ELMO1: variants seen among roughly 807,000 people sequenced by gnomAD.
ELMO1 encodes the protein engulfment and cell motility 1.
Under a neutral mutation model 98.9 loss-of-function variants are expected in ELMO1, and 26 were observed. The ratio of observed to expected loss-of-function variants is 0.26; its 90% CI spans 0.19 to 0.36. The LOEUF is 0.36. Ranked by LOEUF, ELMO1 falls within the 10% of genes least tolerant of loss-of-function variation. The probability of loss-of-function intolerance (pLI) is 1.00; values close to 1 mark genes in which losing one functional copy is unlikely to be tolerated. For synonymous variants in ELMO1, 346 were observed against 346.0 expected, an observed-to-expected ratio of 1.00 and a Z score of 0.00; for missense variants, 627 against 935.2, an observed-to-expected ratio of 0.67 and a Z score of 4.30.
chr7:37,408,112 T>C (rs1477527), intron 1 of ELMO1, among the ~76,000 whole-genome samples: 35,287 of 152,164 alleles, frequency 0.23, 4,320 homozygotes, highest in East Asian at 0.41. Flanking sequence ...ATATCCACAC[T>C]ATATTTGTAA....
intron 15 of ELMO1, among the ~76,000 whole-genome samples, chr7:37,047,301 C>T (rs978759323): frequency 1.3e-5 from 2 of 152,222 alleles, no homozygotes; most frequent in African/African-American, 4.8e-5. Context: ...TCCTTCCTGT[C>T]TCTGCCTTTC....
Position 36,912,673 on chromosome 7 carries a change from A to G in ELMO1, c.1438-17656T>C, listed in dbSNP as rs1043584561. ...TATTCTTTCTCACTTTATTATTTTG[A>G]TATCTTTTGTAAGGCATTTTAGTGA... On this transcript the variant is annotated intron_variant, in intron 16 of 21. Coordinates refer to ENST00000310758, the MANE Select transcript of ELMO1 (RefSeq NM_014800.11). Among the ~76,000 whole-genome samples, 5 of 152,154 alleles carry G rather than the reference A, an allele frequency of 3.3e-5. No individual in the cohort carries two copies. In the East Asian group the frequency reaches 5.8e-4, roughly 18 times the overall value.
rs1384523823 is a variant in ELMO1, at chr7:36,878,159, T to C, written c.1715-42A>G. On this transcript the variant is annotated intron_variant, in intron 18 of 21. Transcript: ENST00000310758. ...AAGTTTACAAGGTAAGTGATTGTGGTTTATCAAAATACTAGCCTGGTTATT... is the reference window on the plus strand; with the variant it reads ...AAGTTTACAAGGTAAGTGATTGTGGCTTATCAAAATACTAGCCTGGTTATT... 7 of 1,448,132 alleles carry C rather than the reference T, an allele frequency of 4.8e-6. No individual in the cohort carries two copies. In the Middle Eastern group the frequency reaches 5.2e-4, roughly 108 times the overall value. 89.7% of individuals were successfully genotyped at this position (1,448,132 alleles called of 1,614,324 possible).
intron 15 of ELMO1, among the ~76,000 whole-genome samples, chr7:37,046,470 C>T (rs778546853): frequency 4.6e-5 from 7 of 152,210 alleles, no homozygotes; most frequent in East Asian, 1.9e-4. Context: ...CTTGGAGCTA[C>T]TTTTCAGGCT....
chr7:37,167,850 G>T (rs1280915796), intron 13 of ELMO1, among the ~76,000 whole-genome samples: 1 of 150,790 alleles, frequency 6.6e-6, no homozygotes, highest in East Asian at 1.9e-4. Flanking sequence ...TATCTTTGTG[G>T]CGTTCTCTGT....
At chr7:37,218,549 A>T (rs778894172) in intron 10 of ELMO1, among the ~76,000 whole-genome samples, 4 of 152,248 alleles carry the variant, frequency 2.6e-5, no homozygotes, top group Non-Finnish European at 5.9e-5. Flanking sequence ...GAATTATTGG[A>T]GTAAATGTGA....
intron 1 of ELMO1, among the ~76,000 whole-genome samples, chr7:37,348,811 C>T (rs147950421): frequency 6.6e-6 from 1 of 152,282 alleles, no homozygotes; most frequent in East Asian, 1.9e-4. Context: ...TTTTTCCATA[C>T]AGCTTAATTA....
At chr7:37,310,495 A>G (rs531677660) in intron 4 of ELMO1, among the ~76,000 whole-genome samples, 2 of 152,362 alleles carry the variant, frequency 1.3e-5, no homozygotes, top group Admixed American at 1.3e-4. Context: ...AAAGGCAAAT[A>G]TAAATGCACT....
At chr7:36,994,274 C>A (rs1170305845) in intron 16 of ELMO1, among the ~76,000 whole-genome samples, 1 of 152,178 alleles carries the variant, frequency 6.6e-6, no homozygotes, top group African/African-American at 2.4e-5. Flanking sequence ...ATATGATGCT[C>A]CCTTAAATAA....
intron 16 of ELMO1, among the ~76,000 whole-genome samples, chr7:36,972,505 T>C (rs1023803821): frequency 6.6e-6 from 1 of 152,214 alleles, no homozygotes; most frequent in African/African-American, 2.4e-5. Flanking sequence ...GCAGGGTCGG[T>C]TCCTCTTGAA....
At chr7:37,352,219 C>T (rs1002262390) in intron 1 of ELMO1, among the ~76,000 whole-genome samples, 3 of 152,142 alleles carry the variant, frequency 2.0e-5, no homozygotes, top group Non-Finnish European at 4.4e-5. Flanking sequence ...CGGAACCCAG[C>T]CAGAATGAAA....
At chr7:37,112,573 G>C (rs2129277797) in intron 14 of ELMO1, among the ~76,000 whole-genome samples, 1 of 152,320 alleles carries the variant, frequency 6.6e-6, no homozygotes, top group East Asian at 1.9e-4. Flanking sequence ...CCAGGTATCA[G>C]GACCAGTGTT....
chr7:37,120,715 C>T (rs1013229887), intron 14 of ELMO1, among the ~76,000 whole-genome samples: 3 of 152,188 alleles, frequency 2.0e-5, no homozygotes, highest in African/African-American at 7.2e-5. Flanking sequence ...CATAGCCGAA[C>T]AAAAGGCAGC....
chr7:37,189,568 C>T (rs907369183), intron 13 of ELMO1, among the ~76,000 whole-genome samples: 3 of 152,106 alleles, frequency 2.0e-5, no homozygotes, highest in Non-Finnish European at 4.4e-5. Context: ...CACTCTCTTG[C>T]GGCTACATGG....
chr7:36,974,344 A>G (rs1410936586), intron 16 of ELMO1, among the ~76,000 whole-genome samples: 1 of 152,126 alleles, frequency 6.6e-6, no homozygotes, highest in East Asian at 1.9e-4. Context: ...GGATGTGGAG[A>G]ACCTTTATGT....
At chr7:37,228,095 T>C (rs1793965236) in intron 8 of ELMO1, among the ~76,000 whole-genome samples, 1 of 152,088 alleles carries the variant, frequency 6.6e-6, no homozygotes, top group Non-Finnish European at 1.5e-5. Flanking sequence ...TTAACTTCTT[T>C]CTTTTGTTTT....
At chr7:36,894,755 A>G (rs1805851756) in intron 17 of ELMO1, 99 bp downstream of exon 17, 1 of 1,464,814 alleles carries the variant, frequency 6.8e-7, no homozygotes, top group East Asian at 2.3e-5. Context: ...GCCTTCCCTG[A>G]GGAGCTCACA....
chr7:37,004,928 G>A (rs773221844), intron 16 of ELMO1, among the ~76,000 whole-genome samples: 27 of 151,954 alleles, frequency 1.8e-4, no homozygotes, highest in African/African-American at 6.5e-4. Context: ...GGCCAACAAG[G>A]TGAAACCTCG....
At position 37,139,451 on chromosome 7, in the gene ELMO1, C is replaced by T. The variant is rs190713738; in HGVS notation, c.1087-6217G>A. 9.3e-4 allele frequency among the ~76,000 whole-genome samples: 142 copies of T among 152,150 alleles called. 1 individual carries two copies. The highest frequency in any genetic ancestry group is 3.2e-3 in the African/African-American group (134 of 41,534). On this transcript the variant is annotated intron_variant, in intron 13 of 21. Coordinates refer to ENST00000310758, the MANE Select transcript of ELMO1 (RefSeq NM_014800.11). ...AGTGATCAAGCTGAAAATCAAATCACTCAACCTCTTTCACAATAGCTGCAA... is the reference window on the plus strand; with the variant it reads ...AGTGATCAAGCTGAAAATCAAATCATTCAACCTCTTTCACAATAGCTGCAA...
Sources: allele counts gnomAD v4.1 joint callset (sites outside exome capture counted in the v4.1 genomes callset), GRCh38; gene constraint gnomAD v4.1.1; transcripts MANE v1.5; gene names NCBI Gene and HGNC (gene_info 2026-07-23, HGNC 2026-07-21).